The following BCR variants were observed in gnomAD, a reference collection of about 807,000 sequenced individuals.
BCR encodes BCR activator of RhoGEF and GTPase, also known as breakpoint cluster region protein.
In BCR, 58 loss-of-function variants were observed where a neutral mutation model predicts 138.6. The ratio of observed to expected loss-of-function variants is 0.42; its 90% CI spans 0.34 to 0.52. BCR has a LOEUF of 0.52. Ranked by LOEUF, BCR falls within the 20% of genes least tolerant of loss-of-function variation. BCR has a pLI of 0.06. For missense variants in BCR, 1,599 were observed against 1,727.2 expected, an observed-to-expected ratio of 0.93 and a Z score of 1.32; for synonymous variants, 786 against 730.1, an observed-to-expected ratio of 1.08 and a Z score of -1.23.
intron 1 of BCR, among the ~76,000 whole-genome samples, chr22:23,190,168 CTTCT>C (rs1459671748): frequency 6.6e-6 from 1 of 151,928 alleles, no homozygotes; most frequent in African/African-American, 2.4e-5. Flanking sequence ...CCAAATTTCC[CTTCT>C]TTTTTTGTTT....
At chr22:23,198,427 C>T (rs1555961488) in intron 1 of BCR, 1 of 423,484 alleles carries the variant, frequency 2.4e-6, no homozygotes, top group South Asian at 1.7e-5. Flanking sequence ...TGGTGACCCC[C>T]AAAGAGAGGT....
At chr22:23,290,615 T>G (rs1469426438) in intron 14 of BCR, 1 of 583,750 alleles carries the variant, frequency 1.7e-6, no homozygotes, top group Non-Finnish European at 3.1e-6. Context: ...GCCTCTGCCC[T>G]CTCCCCTAGC....
At chr22:23,312,031 C>T in intron 19 of BCR, 195 bp downstream of exon 19, 2 of 1,106,640 alleles carry the variant, frequency 1.8e-6, no homozygotes, top group Non-Finnish European at 2.5e-6. Flanking sequence ...TTTAAACCAT[C>T]CTAGCCATGC....
intron 16 of BCR, among the ~76,000 whole-genome samples, chr22:23,296,202 G>A (rs1242462625): frequency 6.6e-6 from 1 of 151,682 alleles, no homozygotes; most frequent in East Asian, 1.9e-4. Flanking sequence ...GTGAAACCCC[G>A]TCTCTACTAA....
intron 1 of BCR, among the ~76,000 whole-genome samples, chr22:23,221,523 C>T (rs760287211): frequency 6.6e-6 from 1 of 152,220 alleles, no homozygotes. Context: ...GAGCAAAGGG[C>T]TGGGGGCTTC....
intron 16 of BCR, among the ~76,000 whole-genome samples, chr22:23,305,837 C>T (rs1006286786): frequency 6.6e-6 from 1 of 152,200 alleles, no homozygotes; most frequent in Admixed American, 6.5e-5. Context: ...TCACCAAGAC[C>T]TTGCAACCCA....
chr22:23,186,591 T>C (rs1461736580), intron 1 of BCR, among the ~76,000 whole-genome samples: 5 of 152,212 alleles, frequency 3.3e-5, no homozygotes, highest in African/African-American at 9.6e-5. Context: ...TCTCCATCTG[T>C]GTCTCTGAAT....
rs2073738996 is a variant in BCR, at chr22:23,288,092, C to G, written c.2527-5C>G. 2 of 1,613,852 alleles carry G rather than the reference C, an allele frequency of 1.2e-6. No homozygotes were observed. Among genetic ancestry groups the G allele is most frequent in the African/African-American group, 2.7e-5 (2 of 75,014 alleles). ...AACTGGGTGTGTTCTTCTTGCCCACCCTAGAGTTACACGTTCCTGATCTCC... is the reference window on the plus strand; with the variant it reads ...AACTGGGTGTGTTCTTCTTGCCCACGCTAGAGTTACACGTTCCTGATCTCC... On this transcript the variant is annotated splice_region_variant and splice_polypyrimidine_tract_variant and intron_variant, in intron 11 of 22. Transcript: ENST00000305877.
chr22:23,242,369 C>T (rs1341157657), intron 1 of BCR, among the ~76,000 whole-genome samples: 1 of 152,124 alleles, frequency 6.6e-6, no homozygotes, highest in Non-Finnish European at 1.5e-5. Flanking sequence ...TATTTTCTCC[C>T]CTGGTTCAAG....
At chr22:23,273,180 G>A (rs2073529618) in intron 7 of BCR, 47 bp downstream of exon 7, 4 of 1,585,412 alleles carry the variant, frequency 2.5e-6, no homozygotes, top group East Asian at 2.2e-5. Context: ...TGCCCCCTCG[G>A]GCACACACAG....
Position 23,181,453 on chromosome 22 carries a change from C to A in BCR, c.493C>A (p.His165Asn), listed in dbSNP as rs756667801. Residue 165 changes from histidine (H) to asparagine (N), a missense_variant, in exon 1 of 23, where the codon CAT becomes AAT. His to Asn is a moderately conservative substitution (Grantham distance 68). Around this residue, in one of 4 missense-constraint regions of BCR, gnomAD observed 806 missense variants for 635.0 expected, o/e 1.27. Coordinates refer to ENST00000305877, the MANE Select transcript of BCR (RefSeq NM_004327.4). ...RSNFERIRKGHGQPGADAEKP... is the reference protein window; with the variant it reads ...RSNFERIRKGNGQPGADAEKP... ...CAACTTCGAGCGGATCCGCAAGGGC[C>A]ATGGCCAGCCCGGGGCGGACGCCGA... 1.2e-6 allele frequency: 2 copies of A among 1,606,546 alleles called. No individual in the cohort carries two copies. The highest frequency in any genetic ancestry group is 2.2e-5 in the East Asian group (1 of 44,684).
intron 1 of BCR, among the ~76,000 whole-genome samples, chr22:23,228,326 G>A (rs1319680810): frequency 1.3e-5 from 2 of 151,894 alleles, no homozygotes; most frequent in Non-Finnish European, 2.9e-5. Flanking sequence ...AATTTTCCTC[G>A]AGACTTCCTT....
Position 23,181,339 on chromosome 22 carries a change from A to G in BCR, c.379A>G (p.Arg127Gly). Residue 127 changes from arginine to glycine, a missense_variant, in exon 1 of 23, where the codon AGG becomes GGG. Arg to Gly is a moderately radical substitution (Grantham distance 125). Transcript: ENST00000305877. ...CGGCGAGGGTTCTCCGGGTAAGGCC[A>G]GGCCCGGGACCGCCCGCAGGCCCGG... is the stretch of plus-strand genomic sequence containing the variant. ...PDGEGSPGKARPGTARRPGAA... is the reference protein window; with the variant it reads ...PDGEGSPGKAGPGTARRPGAA... 6.8e-7 allele frequency: 1 copy of G among 1,476,616 alleles called. No individual in the cohort carries two copies. The allele number at this position is 1,476,616 out of a possible 1,614,324, so 91.5% of individuals were successfully genotyped here.
chr22:23,289,460 G>T, intron 12 of BCR, 57 bp from the exon 13 acceptor site: 1 of 1,456,598 alleles, frequency 6.9e-7, no homozygotes, highest in Non-Finnish European at 9.6e-7. Context: ...AGTGGGAGGG[G>T]CCAGAGGGCC....
At chr22:23,193,440 G>C (rs1437614681) in intron 1 of BCR, among the ~76,000 whole-genome samples, 1 of 152,248 alleles carries the variant, frequency 6.6e-6, no homozygotes, top group African/African-American at 2.4e-5. Context: ...AGAGTCTCCT[G>C]TTCATGTATC....
At chr22:23,209,305 A>T (rs755304260) in intron 1 of BCR, among the ~76,000 whole-genome samples, 2 of 151,948 alleles carry the variant, frequency 1.3e-5, no homozygotes, top group African/African-American at 2.4e-5. Context: ...GGTTGCAGTG[A>T]GCCGAGATCA....
intron 1 of BCR, among the ~76,000 whole-genome samples, chr22:23,182,896 A>G (rs941825985): frequency 5.9e-5 from 9 of 152,112 alleles, no homozygotes; most frequent in African/African-American, 2.2e-4. Flanking sequence ...TGGAGATTTT[A>G]TCTGGGGGTG....
intron 16 of BCR, chr22:23,307,419 T>G (rs534513364): frequency 8.6e-4 from 125 of 145,902 alleles, no homozygotes; most frequent in African/African-American, 2.9e-3. Flanking sequence ...AGCAGTGGTA[T>G]AAACTCCTCC....
chr22:23,220,012 G>A (rs561950858), intron 1 of BCR, among the ~76,000 whole-genome samples: 3 of 152,188 alleles, frequency 2.0e-5, no homozygotes, highest in Middle Eastern at 3.2e-3. Flanking sequence ...CGAAGGACAC[G>A]GCCCCTTGGG....
Sources: gnomAD v4.1 joint callset for allele counts (sites outside exome capture counted in the v4.1 genomes callset) on GRCh38, gnomAD v4.1.1 for gene constraint, gnomAD v4.1.1 regional missense constraint, MANE v1.5 for transcripts, NCBI Gene and HGNC (gene_info 2026-07-23, HGNC 2026-07-21) for gene names.